IMPA1: variants seen among roughly 807,000 people sequenced by gnomAD.
The protein encoded by IMPA1 is inositol monophosphatase 1, also known as D-galactose 1-phosphate phosphatase.
IMPA1 carries 21 observed loss-of-function variants against 34.9 expected under a neutral mutation model. The ratio of observed to expected loss-of-function variants is 0.60; its 90% CI spans 0.43 to 0.87. IMPA1 has a LOEUF of 0.87. Ranked by LOEUF, IMPA1 falls within the 40% of genes least tolerant of loss-of-function variation. IMPA1 has a pLI of 0.00. For missense variants in IMPA1, 299 were observed against 336.4 expected, an observed-to-expected ratio of 0.89 and a Z score of 0.87; for synonymous variants, 95 against 104.4, an observed-to-expected ratio of 0.91 and a Z score of 0.55.
rs1009684589 is a variant in IMPA1, at chr8:81,657,240, C to T, written c.*2111G>A. Among the ~76,000 whole-genome samples the T allele has an allele frequency of 6.6e-6, 1 of 152,030 alleles. No individual in the cohort carries two copies. Among genetic ancestry groups the T allele is most frequent in the East Asian group, 1.9e-4 (1 of 5,194 alleles). On this transcript the variant is annotated 3_prime_UTR_variant, in exon 9 of 9. Coordinates refer to ENST00000256108, the MANE Select transcript of IMPA1 (RefSeq NM_005536.4). ...AAAGATTACAGGCAAAAAATAAGAA[C>T]ATATATTAAATTACATTTGCAAGTT... is the stretch of plus-strand genomic sequence containing the variant.
intron 6 of IMPA1, among the ~76,000 whole-genome samples, chr8:81,672,835 T>C (rs761014325): frequency 1.3e-5 from 2 of 152,176 alleles, no homozygotes; most frequent in Non-Finnish European, 2.9e-5. Context: ...TTTCCACCCA[T>C]TTACTTTGTA....
In IMPA1 at chr8:81,658,431, ACAAT is replaced by A. The variant is rs755399390; in HGVS notation, c.*916_*919del. ...TTAACAATACAGTATATTTGCCAGC[ACAAT>A]CAAATCAGTATAAACACCTTTAAAA... On this transcript the variant is annotated 3_prime_UTR_variant, in exon 9 of 9. Transcript: ENST00000256108. 3 of 152,460 alleles carry A rather than the reference ACAAT, an allele frequency of 2.0e-5. No individual in the cohort carries two copies. The highest frequency in any genetic ancestry group is 1.5e-5 in the Non-Finnish European group (1 of 68,026). The allele number at this position is 152,460 out of a possible 1,614,324, so 9.4% of individuals were successfully genotyped here. A position where few individuals can be genotyped will look rare whatever the true frequency, so the allele number is the denominator to read the frequency against.
Position 81,685,824 on chromosome 8 carries a change from G to C in IMPA1, c.-25+428C>G, listed in dbSNP as rs1481667901. ...TCCTGCTGTTTCTGTCCTGGTCACAGCCTTCCAGCGTAGGAGCCAGGCCAC... is the reference window on the plus strand; with the variant it reads ...TCCTGCTGTTTCTGTCCTGGTCACACCCTTCCAGCGTAGGAGCCAGGCCAC... On this transcript the variant is annotated intron_variant, in intron 1 of 8. Coordinates refer to ENST00000256108, the MANE Select transcript of IMPA1 (RefSeq NM_005536.4). The C allele has an allele frequency of 2.6e-6, 4 of 1,550,296 alleles. No homozygotes were observed. In the East Asian group the frequency reaches 7.3e-5, roughly 28 times the overall value.
At chr8:81,671,148 G>C (rs991151357) in intron 6 of IMPA1, 101 bp from the exon 7 acceptor site, 1 of 523,956 alleles carries the variant, frequency 1.9e-6, no homozygotes, top group Non-Finnish European at 3.3e-6. Flanking sequence ...TTGTTTTATC[G>C]TGTTTCTTTA....
chr8:81,662,063 T>A (rs564252461), intron 7 of IMPA1, among the ~76,000 whole-genome samples: 25 of 152,318 alleles, frequency 1.6e-4, no homozygotes, highest in African/African-American at 5.5e-4. Context: ...TTAAAAAGGA[T>A]TAGAATAACA....
intron 7 of IMPA1, among the ~76,000 whole-genome samples, chr8:81,668,660 C>T (rs984918879): frequency 6.6e-6 from 1 of 152,142 alleles, no homozygotes; most frequent in African/African-American, 2.4e-5. Flanking sequence ...TTGGAAAACT[C>T]AGCCTGGCCA....
chr8:81,686,167 G>T, intron 1 of IMPA1, 85 bp downstream of exon 1: 1 of 932,288 alleles, frequency 1.1e-6, no homozygotes, highest in Non-Finnish European at 1.4e-6. Flanking sequence ...GCTCGCGCCC[G>T]CTCCTGAGGA....
chr8:81,668,792 C>G (rs1043479814), intron 7 of IMPA1, among the ~76,000 whole-genome samples: 1 of 151,960 alleles, frequency 6.6e-6, no homozygotes, highest in Non-Finnish European at 1.5e-5. Context: ...AGAAAGAACC[C>G]GAAGGCATTT....
At chr8:81,663,354 C>T (rs1806730971) in intron 7 of IMPA1, among the ~76,000 whole-genome samples, 1 of 152,164 alleles carries the variant, frequency 6.6e-6, no homozygotes, top group Non-Finnish European at 1.5e-5. Context: ...TTACTCATTA[C>T]TATATAGACC....
chr8:81,681,349 T>C (rs1807293939), intron 2 of IMPA1, 149 bp downstream of exon 2: 1 of 599,234 alleles, frequency 1.7e-6, no homozygotes, highest in South Asian at 2.0e-5. Flanking sequence ...GAGTGAGCCA[T>C]GTTCCTGCCA....
intron 1 of IMPA1, among the ~76,000 whole-genome samples, chr8:81,683,642 CG>C (rs1187513708): frequency 4.6e-5 from 7 of 152,134 alleles, no homozygotes; most frequent in African/African-American, 1.4e-4. Flanking sequence ...GTTTAATTAG[CG>C]GAAGATGAGA....
At chr8:81,664,234 T>A (rs1221943316) in intron 7 of IMPA1, among the ~76,000 whole-genome samples, 1 of 152,120 alleles carries the variant, frequency 6.6e-6, no homozygotes, top group Non-Finnish European at 1.5e-5. Context: ...ATGACGATTT[T>A]GAAACTCCCT....
At chr8:81,671,201 A>T (rs1240594076) in intron 6 of IMPA1, among the ~76,000 whole-genome samples, 154 bp from the exon 7 acceptor site, 1 of 152,110 alleles carries the variant, frequency 6.6e-6, no homozygotes, top group Non-Finnish European at 1.5e-5. Context: ...AATTATCCCT[A>T]TGTGATCCTT....
intron 4 of IMPA1, among the ~76,000 whole-genome samples, chr8:81,677,200 AT>A (rs1807157186): frequency 7.9e-5 from 12 of 151,602 alleles, no homozygotes; most frequent in Admixed American, 2.6e-4. Context: ...GGTTCAAGTG[AT>A]TCTCCTGCCT....
intron 7 of IMPA1, among the ~76,000 whole-genome samples, chr8:81,669,478 T>C (rs540027605): frequency 2.6e-5 from 4 of 152,346 alleles, no homozygotes; most frequent in Admixed American, 1.3e-4. Flanking sequence ...ATTCTTGAGC[T>C]TTAAGATTTC....
chr8:81,685,885 C>T, intron 1 of IMPA1: 2 of 1,547,868 alleles, frequency 1.3e-6, no homozygotes, highest in African/African-American at 1.4e-5. Context: ...ACCGCGACTG[C>T]GGGCAGCACA....
chr8:81,681,388 A>AC (rs1471143822), intron 2 of IMPA1, 110 bp downstream of exon 2: 1 of 684,782 alleles, frequency 1.5e-6, no homozygotes, highest in African/African-American at 1.8e-5. Context: ...GACAAGCAAG[A>AC]CCGTTTCAAA....
chr8:81,663,540 T>G (rs1295162716), intron 7 of IMPA1, among the ~76,000 whole-genome samples: 1 of 152,202 alleles, frequency 6.6e-6, no homozygotes, highest in Non-Finnish European at 1.5e-5. Context: ...TGAATCTCAG[T>G]CAACTCACCT....
intron 4 of IMPA1, among the ~76,000 whole-genome samples, chr8:81,676,660 G>A (rs1229691877): frequency 1.3e-5 from 2 of 152,132 alleles, no homozygotes; most frequent in Non-Finnish European, 2.9e-5. Flanking sequence ...TCTTTTGAAG[G>A]TCAAATTCTA....
Sources: gnomAD v4.1 joint callset for allele counts (sites outside exome capture counted in the v4.1 genomes callset) on GRCh38, gnomAD v4.1.1 for gene constraint, MANE v1.5 for transcripts, NCBI Gene and HGNC (gene_info 2026-07-23, HGNC 2026-07-21) for gene names.